Variants in KIAA0319 observed in about 807,000 individuals in gnomAD.
The protein encoded by KIAA0319 is dyslexia-associated protein KIAA0319.
Under a neutral mutation model 108.4 loss-of-function variants are expected in KIAA0319, and 83 were observed. That is an observed-to-expected ratio of 0.77 (90% CI 0.64 to 0.92). The LOEUF is 0.92. Ranked by LOEUF, KIAA0319 falls within the 40% of genes least tolerant of loss-of-function variation. The probability of loss-of-function intolerance (pLI) is 0.00; values close to 1 mark genes in which losing one functional copy is unlikely to be tolerated. For synonymous variants in KIAA0319, 484 were observed against 510.4 expected (o/e 0.95, Z 0.70); for missense variants, 1,195 against 1,322.4 (o/e 0.90, Z 1.49).
chr6:24,580,048 T>G (rs1474907056), intron 7 of KIAA0319, 98 bp from the exon 8 acceptor site: 5 of 913,476 alleles, frequency 5.5e-6, no homozygotes, highest in African/African-American at 1.7e-5. Context: ...ATTATACATG[T>G]CCTGTCAAGA....
intron 10 of KIAA0319, among the ~76,000 whole-genome samples, chr6:24,573,706 T>C (rs993581282): frequency 6.6e-6 from 1 of 152,258 alleles, no homozygotes; most frequent in Non-Finnish European, 1.5e-5. Flanking sequence ...ATAAGGACAC[T>C]TGGATGACAG....
chr6:24,601,059 C>A lies in KIAA0319; in HGVS notation c.45G>T (p.Val15=). The part of the protein sequence containing the change: ...TGVLSSLLLL[V]TIAGCARKQC... ...GTAGTAGTTCCCTACCTGCAATTGT[C>A]ACCAGCAGCAGCAATGAAGAGAGCA... is the stretch of plus-strand genomic sequence containing the variant. Residue 15 remains valine, a synonymous_variant, in exon 2 of 21, where the codon GTG becomes GTT. Transcript: ENST00000378214. The A allele has an allele frequency of 1.2e-6, 2 of 1,614,034 alleles. No homozygotes were observed. The highest frequency in any genetic ancestry group is 2.2e-5 in the South Asian group (2 of 91,052).
At position 24,599,319 on chromosome 6, in the gene KIAA0319, G is replaced by A; in HGVS notation, c.55+1730C>T. On this transcript the variant is annotated intron_variant, in intron 2 of 20. Coordinates refer to ENST00000378214, the MANE Select transcript of KIAA0319 (RefSeq NM_014809.4). The surrounding 1 kb of genome is among the most constrained non-coding windows in gnomAD (Gnocchi z 4.1). ...CAGCCGGCTCCAGACTGAGACTGAG[G>A]GCCTCAAAGGCTAGAGGGCTTCCCT... is the stretch of plus-strand genomic sequence containing the variant. The A allele has an allele frequency of 2.0e-6, 1 of 493,906 alleles. No individual in the cohort carries two copies. The highest frequency in any genetic ancestry group is 1.9e-5 in the South Asian group (1 of 53,714). The allele number at this position is 493,906 out of a possible 1,614,324, so 30.6% of individuals were successfully genotyped here. A position where few individuals can be genotyped will look rare whatever the true frequency, so the allele number is the denominator to read the frequency against.
Position 24,599,297 on chromosome 6 carries a change from C to T in KIAA0319, c.55+1752G>A. 4.1e-6 allele frequency: 2 copies of T among 483,234 alleles called. No homozygotes were observed. The highest frequency in any genetic ancestry group is 3.9e-5 in the South Asian group (2 of 51,164). 29.9% of individuals were successfully genotyped at this position (483,234 alleles called of 1,614,324 possible). The stretch of plus-strand genomic sequence containing the variant: ...TCTCTGAGATGAATCAGAACATCAG[C>T]CGGCTCCAGACTGAGACTGAGGGCC... On this transcript the variant is annotated intron_variant, in intron 2 of 20. Coordinates refer to ENST00000378214, the MANE Select transcript of KIAA0319 (RefSeq NM_014809.4). The surrounding 1 kb of genome is among the most constrained non-coding windows in gnomAD (Gnocchi z 4.1).
intron 4 of KIAA0319, among the ~76,000 whole-genome samples, chr6:24,587,470 T>C (rs1451326431): frequency 6.6e-6 from 1 of 151,758 alleles, no homozygotes; most frequent in East Asian, 1.9e-4. Flanking sequence ...TTAGTAGAGA[T>C]GGGGTTTCAC....
chr6:24,583,455 T>C (rs186080416), intron 5 of KIAA0319, 149 bp downstream of exon 5: 144 of 647,968 alleles, frequency 2.2e-4, no homozygotes, highest in African/African-American at 1.7e-3. Context: ...TGTTGATGCT[T>C]AAGAATAATC....
intron 4 of KIAA0319, among the ~76,000 whole-genome samples, chr6:24,587,961 T>G (rs1024404195): frequency 5.9e-5 from 9 of 152,236 alleles, no homozygotes; most frequent in African/African-American, 2.2e-4. Flanking sequence ...TCTATACCCA[T>G]CCAGGAAAGT....
intron 4 of KIAA0319, among the ~76,000 whole-genome samples, chr6:24,585,861 G>A (rs1296839945): frequency 6.6e-6 from 1 of 152,146 alleles, no homozygotes; most frequent in Non-Finnish European, 1.5e-5. Flanking sequence ...GGCTGAGGCA[G>A]GTGGATCACT....
At chr6:24,587,111 C>T (rs9295626) in intron 4 of KIAA0319, among the ~76,000 whole-genome samples, 27,208 of 152,026 alleles carry the variant, frequency 0.18, 2,502 homozygotes, top group East Asian at 0.21. Context: ...TTAGCGTCCT[C>T]TTCCTTCACA....
intron 16 of KIAA0319, among the ~76,000 whole-genome samples, chr6:24,561,379 G>C (rs960717427): frequency 6.6e-5 from 10 of 152,192 alleles, no homozygotes; most frequent in Non-Finnish European, 1.0e-4. Context: ...TTTGTGGAAA[G>C]TTTTAACATT....
intron 6 of KIAA0319, among the ~76,000 whole-genome samples, chr6:24,581,333 A>G (rs1582051716): frequency 3.3e-5 from 5 of 152,128 alleles, no homozygotes; most frequent in Admixed American, 3.3e-4. Flanking sequence ...GCTCTGGTGC[A>G]TTGGTTGCCG....
intron 19 of KIAA0319, among the ~76,000 whole-genome samples, chr6:24,553,288 T>TACAC (rs1220732704): frequency 1.2e-5 from 1 of 82,166 alleles, no homozygotes; most frequent in African/African-American, 5.4e-5. Context: ...TATATATATA[T>TACAC]ATATATACAC....
intron 18 of KIAA0319, among the ~76,000 whole-genome samples, chr6:24,556,220 AT>A (rs543312370): frequency 3.1e-5 from 3 of 97,744 alleles, no homozygotes; most frequent in South Asian, 3.0e-4. Context: ...CCTTTCTTCC[AT>A]TTTTTTTGAG....
chr6:24,573,977 T>C (rs1398954244), intron 10 of KIAA0319, among the ~76,000 whole-genome samples: 1 of 151,972 alleles, frequency 6.6e-6, no homozygotes, highest in Non-Finnish European at 1.5e-5. Flanking sequence ...TATTCGGGCG[T>C]GGTGGCAGGC....
intron 1 of KIAA0319, among the ~76,000 whole-genome samples, chr6:24,623,817 G>C (rs1220724735): frequency 4.6e-5 from 7 of 152,066 alleles, no homozygotes; most frequent in Admixed American, 1.3e-4. Flanking sequence ...ATAAATATTT[G>C]AGGTGAGAGG....
At chr6:24,553,881 C>T (rs1012366904) in intron 19 of KIAA0319, among the ~76,000 whole-genome samples, 1 of 152,250 alleles carries the variant, frequency 6.6e-6, no homozygotes, top group Non-Finnish European at 1.5e-5. Flanking sequence ...CCCCATATCT[C>T]ACCCTATGCA....
chr6:24,556,718 T>C lies in KIAA0319; in HGVS notation c.2746A>G (p.Lys916Glu). 1.2e-6 allele frequency: 2 copies of C among 1,613,448 alleles called. No individual in the cohort carries two copies. The highest frequency in any genetic ancestry group is 1.7e-6 in the Non-Finnish European group (2 of 1,179,838). The change falls in exon 18 of 21, where the codon AAG becomes GAG. Residue 916 changes from lysine (K) to glutamate (E), a missense_variant. Lys to Glu is a moderately conservative substitution (Grantham distance 56). Transcript: ENST00000378214. The part of the protein sequence containing the change: ...LRVDTAGCLL[K>E]CSGHGHCDPL... Reference sequence around the variant, plus strand: ...TCGCAGTGACCATGGCCAGAACACTTCAGAAGGCAACCTGCAAAGAGGTGT... The same window carrying C: ...TCGCAGTGACCATGGCCAGAACACTCCAGAAGGCAACCTGCAAAGAGGTGT...
chr6:24,645,992 G>A lies in KIAA0319; in HGVS notation c.-362C>T, dbSNP rs2127610154. 1 of 152,558 alleles carries A rather than the reference G, an allele frequency of 6.6e-6. No individual in the cohort carries two copies. Among genetic ancestry groups the A allele is most frequent in the African/African-American group, 2.4e-5 (1 of 41,520 alleles). 9.5% of individuals were successfully genotyped at this position (152,558 alleles called of 1,614,324 possible). Reference sequence around the variant, plus strand: ...GACGTAGCCCCAGAGGAGCGAATCTGGACCAAGCCCAAGACAGGCTGAAGC... The same window carrying A: ...GACGTAGCCCCAGAGGAGCGAATCTAGACCAAGCCCAAGACAGGCTGAAGC... On this transcript the variant is annotated 5_prime_UTR_variant, in exon 1 of 21. Transcript: ENST00000378214.
chr6:24,601,901 T>C (rs1472091968), intron 1 of KIAA0319, among the ~76,000 whole-genome samples: 1 of 152,232 alleles, frequency 6.6e-6, no homozygotes, highest in Non-Finnish European at 1.5e-5. Context: ...TTTCCCGGGC[T>C]GTGGATTGTC....
Sources: gnomAD v4.1 joint callset for allele counts (sites outside exome capture counted in the v4.1 genomes callset) on GRCh38, gnomAD v4.1.1 for gene constraint, Gnocchi (gnomAD v3.1) non-coding constraint, MANE v1.5 for transcripts, NCBI Gene and HGNC (gene_info 2026-07-23, HGNC 2026-07-21) for gene names.